IGSF5: variants seen among roughly 807,000 people sequenced by gnomAD.
The protein encoded by IGSF5 is immunoglobulin superfamily 5 like.
In IGSF5, 41 loss-of-function variants were observed where a neutral mutation model predicts 39.4. That is an observed-to-expected ratio of 1.04 (90% confidence interval 0.81 to 1.35). The LOEUF (loss-of-function observed/expected upper bound fraction) is 1.35. Among genes scored for constraint, IGSF5 ranks in the 40% most tolerant of loss-of-function variants. The probability of loss-of-function intolerance (pLI) is 0.00; values close to 1 mark genes in which losing one functional copy is unlikely to be tolerated. For synonymous variants in IGSF5, 183 were observed against 175.3 expected, an observed-to-expected ratio of 1.04 and a Z score of -0.34; for missense variants, 487 against 494.6, an observed-to-expected ratio of 0.98 and a Z score of 0.15.
the IGSF5 span, chr21:39,729,128 T>C: frequency 2.0e-5 from 3 of 152,322 alleles, no homozygotes; most frequent in East Asian, 5.8e-4. Context: ...TATTTCTCTT[T>C]ACAGAAAGCT....
In IGSF5 at chr21:39,802,077, AT is replaced by A. The variant is rs1271462438; in HGVS notation, c.*721del. The A allele has an allele frequency of 6.6e-6, 1 of 152,178 alleles. No homozygotes were observed. The highest frequency in any genetic ancestry group is 1.5e-5 in the Non-Finnish European group (1 of 68,030). The allele number at this position is 152,178 out of a possible 1,614,324, so 9.4% of individuals were successfully genotyped here. A position where few individuals can be genotyped will look rare whatever the true frequency, so the allele number is the denominator to read the frequency against. On this transcript the variant is annotated 3_prime_UTR_variant, in exon 9 of 9. Coordinates refer to ENST00000380588, the MANE Select transcript of IGSF5 (RefSeq NM_001080444.2). Reference sequence around the variant, plus strand: ...TCTTTAATTAATAAAAACACCAAAAATGTGTATTGCCTTTCTTAACTCTTCA... The same window carrying A: ...TCTTTAATTAATAAAAACACCAAAAAGTGTATTGCCTTTCTTAACTCTTCA...
chr21:39,751,889 C>T (rs1007918151), intron 2 of IGSF5, among the ~76,000 whole-genome samples: 1 of 152,174 alleles, frequency 6.6e-6, no homozygotes, highest in Non-Finnish European at 1.5e-5. Context: ...ATGCAAGATG[C>T]TCAGAGCTGG....
intron 2 of IGSF5, among the ~76,000 whole-genome samples, chr21:39,746,757 A>T (rs1417536194): frequency 6.6e-6 from 1 of 152,172 alleles, no homozygotes; most frequent in Non-Finnish European, 1.5e-5. Context: ...GGCTCAGCAC[A>T]CTGTCAGGGC....
intron 4 of IGSF5, among the ~76,000 whole-genome samples, chr21:39,777,075 A>C (rs2080145137): frequency 6.6e-6 from 1 of 152,238 alleles, no homozygotes; most frequent in South Asian, 2.1e-4. Flanking sequence ...AAGTTAATGC[A>C]GCAAGAAATG....
In IGSF5 at chr21:39,792,107, G is replaced by A. The variant is rs182603088; in HGVS notation, c.1048+8G>A. ...ATGAACAAAAGACCACAGGTGAGTA[G>A]ACAAGAGGGGTGGTGAAAAGACCTG... On this transcript the variant is annotated splice_region_variant and intron_variant, in intron 7 of 8. Coordinates refer to ENST00000380588, the MANE Select transcript of IGSF5 (RefSeq NM_001080444.2). 6.9e-6 allele frequency: 11 copies of A among 1,584,312 alleles called. No individual in the cohort carries two copies. The highest frequency in any genetic ancestry group is 5.1e-5 in the Admixed American group (3 of 58,672).
chr21:39,724,876 T>C, the IGSF5 span, among the ~76,000 whole-genome samples: 1 of 152,218 alleles, frequency 6.6e-6, no homozygotes, highest in Non-Finnish European at 1.5e-5. Context: ...TCAACTTCTT[T>C]GTGCAGGAGA....
chr21:39,715,143 A>G, the IGSF5 span, among the ~76,000 whole-genome samples: 1 of 150,680 alleles, frequency 6.6e-6, no homozygotes, highest in African/African-American at 2.5e-5. Flanking sequence ...TTTGATATGA[A>G]GTCTCACTCT....
intron 2 of IGSF5, among the ~76,000 whole-genome samples, chr21:39,748,585 A>T (rs2079987921): frequency 6.6e-6 from 1 of 152,042 alleles, no homozygotes; most frequent in African/African-American, 2.4e-5. Context: ...ACGAGATCTT[A>T]TAAGGACCTG....
At chr21:39,781,869 C>T (rs1388014562) in intron 5 of IGSF5, among the ~76,000 whole-genome samples, 1 of 152,042 alleles carries the variant, frequency 6.6e-6, no homozygotes, top group East Asian at 1.9e-4. Context: ...TTTAAGAATT[C>T]TTTTGATGTT....
chr21:39,737,685 G>GC, the IGSF5 span, among the ~76,000 whole-genome samples: 3 of 152,194 alleles, frequency 2.0e-5, no homozygotes, highest in East Asian at 1.9e-4. Context: ...TGGGTGTGTG[G>GC]CCCCCCAGGA....
intron 2 of IGSF5, among the ~76,000 whole-genome samples, chr21:39,751,720 G>T (rs1388914227): frequency 6.6e-6 from 1 of 152,194 alleles, no homozygotes; most frequent in Non-Finnish European, 1.5e-5. Context: ...TGGAGATATT[G>T]TGCAGTGGGG....
chr21:39,740,270 C>A (rs1221669729), upstream of IGSF5, among the ~76,000 whole-genome samples: 1 of 152,128 alleles, frequency 6.6e-6, no homozygotes, highest in South Asian at 2.1e-4. Context: ...ATCTGCTTGG[C>A]GGTTCCTTTC....
At position 39,765,554 on chromosome 21, in the gene IGSF5, A is replaced by C. The variant is rs774493602; in HGVS notation, c.120A>C (p.Glu40Asp). ...AVVDGSGSGN[E>D]VIEGPQNARV... ...TTCCAGGTTCTGGGTCTGGTAATGA[A>C]GTCATAGAAGGCCCCCAAAATGCAA... Residue 40 changes from glutamate to aspartate, a missense_variant, in exon 3 of 9, where the codon GAA becomes GAC. Coordinates refer to ENST00000380588, the MANE Select transcript of IGSF5 (RefSeq NM_001080444.2). 4.3e-6 allele frequency: 7 copies of C among 1,613,336 alleles called. No individual in the cohort carries two copies. Among genetic ancestry groups the C allele is most frequent in the Non-Finnish European group, 4.2e-6 (5 of 1,179,458 alleles).
chr21:39,724,768 G>A, the IGSF5 span, among the ~76,000 whole-genome samples: 1 of 152,180 alleles, frequency 6.6e-6, no homozygotes, highest in Admixed American at 6.5e-5. Context: ...CCTTCTTCTT[G>A]CTGCAGCCAC....
chr21:39,768,950 A>T (rs2146281605), intron 3 of IGSF5, among the ~76,000 whole-genome samples: 1 of 151,978 alleles, frequency 6.6e-6, no homozygotes, highest in South Asian at 2.1e-4. Context: ...TAATATGAAG[A>T]TTCCTATTAT....
chr21:39,730,844 G>A, the IGSF5 span, among the ~76,000 whole-genome samples: 365 of 152,180 alleles, frequency 2.4e-3, 3 homozygotes, highest in Non-Finnish European at 4.4e-3. Flanking sequence ...GCCCCTTTGA[G>A]TTTGCTTTTT....
chr21:39,746,090 G>A (rs2146268093), intron 1 of IGSF5, 126 bp from the exon 2 acceptor site: 1 of 675,356 alleles, frequency 1.5e-6, no homozygotes, highest in African/African-American at 1.8e-5. Context: ...GGTCATGGGA[G>A]AGAACCATGG....
At chr21:39,760,157 C>T (rs956744423) in intron 2 of IGSF5, among the ~76,000 whole-genome samples, 1 of 152,244 alleles carries the variant, frequency 6.6e-6, no homozygotes, top group African/African-American at 2.4e-5. Context: ...CTTCCCAGAC[C>T]TCTCCTTGCC....
At chr21:39,783,520 T>C (rs1448675980) in intron 5 of IGSF5, among the ~76,000 whole-genome samples, 1 of 152,186 alleles carries the variant, frequency 6.6e-6, no homozygotes, top group Non-Finnish European at 1.5e-5. Context: ...TAAGAAGACA[T>C]CTAAATTGAG....
Sources: gnomAD v4.1 joint callset for allele counts (sites outside exome capture counted in the v4.1 genomes callset) on GRCh38, gnomAD v4.1.1 for gene constraint, MANE v1.5 for transcripts, NCBI Gene and HGNC (gene_info 2026-07-23, HGNC 2026-07-21) for gene names.